The following ACACA variants were observed in gnomAD, a reference collection of about 807,000 sequenced individuals.
ACACA encodes the protein acetyl-CoA carboxylase alpha.
Under a neutral mutation model 296.1 loss-of-function variants are expected in ACACA, and 103 were observed. The ratio of observed to expected loss-of-function variants is 0.35; its 90% confidence interval spans 0.30 to 0.41. The LOEUF (loss-of-function observed/expected upper bound fraction) is 0.41, where lower values mean the gene tolerates loss of function less well. ACACA is among the 10% of genes least tolerant of loss of function. The pLI is 1.00. For synonymous variants in ACACA, 953 were observed against 1,038.6 expected, an observed-to-expected ratio of 0.92 and a Z score of 1.58; for missense variants, 1,554 against 2,989.7, an observed-to-expected ratio of 0.52 and a Z score of 11.20.
At chr17:37,220,072 T>C (rs1486485353) in intron 29 of ACACA, among the ~76,000 whole-genome samples, 2 of 152,220 alleles carry the variant, frequency 1.3e-5, no homozygotes, top group Admixed American at 1.3e-4. Flanking sequence ...TGTTCAAGTC[T>C]GATCTTTATC....
intron 44 of ACACA, among the ~76,000 whole-genome samples, chr17:37,151,095 T>C (rs1175531281): frequency 3.9e-5 from 6 of 151,990 alleles, no homozygotes; most frequent in East Asian, 1.9e-4. Context: ...CACTAAAAGC[T>C]AAAACAAAGT....
chr17:37,374,308 C>A (rs1367986390), intron 1 of ACACA, among the ~76,000 whole-genome samples: 1 of 144,238 alleles, frequency 6.9e-6, no homozygotes, highest in Non-Finnish European at 1.5e-5. Context: ...TTTTTTGAGA[C>A]GGAGTTTCGC....
chr17:37,371,459 G>A (rs1253216247), intron 1 of ACACA, among the ~76,000 whole-genome samples: 1 of 152,130 alleles, frequency 6.6e-6, no homozygotes, highest in Non-Finnish European at 1.5e-5. Flanking sequence ...GCACAGACAT[G>A]TAAAGAGCAT....
intron 33 of ACACA, among the ~76,000 whole-genome samples, chr17:37,201,727 T>C: frequency 6.6e-6 from 1 of 152,108 alleles, no homozygotes; most frequent in Non-Finnish European, 1.5e-5. Flanking sequence ...CATCCAGACT[T>C]TAGTTTGACC....
chr17:37,320,934 G>A (rs1160430909), intron 3 of ACACA, among the ~76,000 whole-genome samples: 1 of 150,098 alleles, frequency 6.7e-6, no homozygotes, highest in African/African-American at 2.5e-5. Context: ...GCAACAGAGT[G>A]AGACTCCATC....
At position 37,297,523 on chromosome 17, in the gene ACACA, A is replaced by ATG. The variant is rs1163187028; in HGVS notation, c.339-12555_339-12554dup. Reference sequence around the variant, plus strand: ...TATGTGCGTGTGTTTGTGTATGTATATGTGTGTGTATATATATATATATAC... The same window carrying ATG: ...TATGTGCGTGTGTTTGTGTATGTATATGTGTGTGTGTATATATATATATATAC... On this transcript the variant is annotated intron_variant, in intron 3 of 55. Coordinates refer to ENST00000616317, the MANE Select transcript of ACACA (RefSeq NM_198834.3). Among the ~76,000 whole-genome samples, 219 of 129,132 alleles carry ATG rather than the reference A, an allele frequency of 1.7e-3. 1 individual carries two copies. Among genetic ancestry groups the ATG allele is most frequent in the Middle Eastern group, 0.014 (4 of 276 alleles). 84.7% of individuals were successfully genotyped at this position (129,132 alleles called of 152,430 possible).
chr17:37,242,545 T>A (rs2080466556), intron 22 of ACACA, among the ~76,000 whole-genome samples: 1 of 151,496 alleles, frequency 6.6e-6, no homozygotes, highest in Non-Finnish European at 1.5e-5. Context: ...CTGGGCAACA[T>A]AACGAGACCC....
intron 41 of ACACA, among the ~76,000 whole-genome samples, chr17:37,173,498 C>T (rs2076950943): frequency 6.6e-6 from 1 of 151,978 alleles, no homozygotes; most frequent in Non-Finnish European, 1.5e-5. Flanking sequence ...ATTAGAGATT[C>T]AAAGGATTAT....
At chr17:37,356,112 G>A (rs1372386206) in intron 1 of ACACA, among the ~76,000 whole-genome samples, 1 of 152,000 alleles carries the variant, frequency 6.6e-6, no homozygotes, top group Non-Finnish European at 1.5e-5. Context: ...AGGTTGCAGT[G>A]AGCCGAGATC....
intron 35 of ACACA, among the ~76,000 whole-genome samples, chr17:37,195,938 C>CA (rs1052575243): frequency 2.0e-5 from 3 of 151,866 alleles, no homozygotes; most frequent in Non-Finnish European, 4.4e-5. Context: ...ATTCTGGTAC[C>CA]AAAAAACAAA....
rs1043077795 is a variant in ACACA at position 37,116,895 on chromosome 17, A to G, written c.6275-3630T>C. ...AATCAGTCTACAGAATTTTAAAGCT[A>G]TGCACGTGCTGTCAATTCTCAGGCC... On this transcript the variant is annotated intron_variant, in intron 50 of 55. Transcript: ENST00000616317. 3.8e-4 allele frequency among the ~76,000 whole-genome samples: 58 copies of G among 152,218 alleles called. 2 individuals are homozygous for G. Among genetic ancestry groups the G allele is most frequent in the Non-Finnish European group, 4.4e-5 (3 of 68,032 alleles).
intron 5 of ACACA, among the ~76,000 whole-genome samples, chr17:37,281,887 C>G (rs746447204): frequency 6.6e-6 from 1 of 152,074 alleles, no homozygotes; most frequent in African/African-American, 2.4e-5. Context: ...AAAAAAACCA[C>G]GCAAGTTAAT....
At chr17:37,142,005 T>C (rs1310329402) in intron 45 of ACACA, among the ~76,000 whole-genome samples, 2 of 151,564 alleles carry the variant, frequency 1.3e-5, no homozygotes, top group African/African-American at 2.4e-5. Context: ...TTTTTTTGTT[T>C]TTTTTTGTTT....
chr17:37,138,338 G>C (rs182462559), intron 45 of ACACA, among the ~76,000 whole-genome samples: 1 of 152,172 alleles, frequency 6.6e-6, no homozygotes, highest in African/African-American at 2.4e-5. Context: ...CATATTCATA[G>C]ACCAGTCTGT....
At chr17:37,120,624 A>C (rs1185506987) in intron 50 of ACACA, among the ~76,000 whole-genome samples, 1 of 152,192 alleles carries the variant, frequency 6.6e-6, no homozygotes, top group African/African-American at 2.4e-5. Flanking sequence ...TATACTTAGC[A>C]TACTCTCATA....
chr17:37,266,225 G>A (rs151312974), intron 10 of ACACA, among the ~76,000 whole-genome samples: 75 of 152,098 alleles, frequency 4.9e-4, no homozygotes, highest in African/African-American at 1.7e-3. Context: ...ACCAGCCTGA[G>A]CAACATGGTG....
At chr17:37,262,051 T>C (rs2081537446) in intron 11 of ACACA, among the ~76,000 whole-genome samples, 1 of 152,026 alleles carries the variant, frequency 6.6e-6, no homozygotes, top group South Asian at 2.1e-4. Context: ...GGATGGGGCT[T>C]CAGGTTGTCT....
chr17:37,095,854 T>C (rs2072955313), intron 54 of ACACA, among the ~76,000 whole-genome samples: 1 of 152,244 alleles, frequency 6.6e-6, no homozygotes, highest in African/African-American at 2.4e-5. Flanking sequence ...GAGTGACTTA[T>C]GCAGCCCACT....
chr17:37,264,401 T>C (rs920242305), intron 10 of ACACA, among the ~76,000 whole-genome samples: 1 of 152,234 alleles, frequency 6.6e-6, no homozygotes, highest in Admixed American at 6.5e-5. Context: ...ATAATCCCAA[T>C]GATTTTCAGC....
Sources: allele counts gnomAD v4.1 joint callset (sites outside exome capture counted in the v4.1 genomes callset), GRCh38; gene constraint gnomAD v4.1.1; transcripts MANE v1.5; gene names NCBI Gene and HGNC (gene_info 2026-07-23, HGNC 2026-07-21).